The following TRAPPC9 variants were observed in gnomAD, a reference collection of about 807,000 sequenced individuals.
TRAPPC9 encodes the protein trafficking protein particle complex subunit 9.
Under a neutral mutation model 124.0 loss-of-function variants are expected in TRAPPC9, and 83 were observed. The observed-to-expected ratio is 0.67, with a 90% CI of 0.56 to 0.80. TRAPPC9 has a LOEUF of 0.80. TRAPPC9 is among the 30% of genes least tolerant of loss of function. The probability of loss-of-function intolerance (pLI) is 0.00; values close to 1 mark genes in which losing one functional copy is unlikely to be tolerated. For missense variants in TRAPPC9, 1,302 were observed against 1,508.3 expected, an observed-to-expected ratio of 0.86 and a Z score of 2.27; for synonymous variants, 638 against 617.5, an observed-to-expected ratio of 1.03 and a Z score of -0.49.
intron 20 of TRAPPC9, among the ~76,000 whole-genome samples, chr8:139,899,929 A>G (rs1205323043): frequency 6.6e-6 from 1 of 152,146 alleles, no homozygotes; most frequent in Non-Finnish European, 1.5e-5. Flanking sequence ...CTAATTTCCA[A>G]AGGCAGGGAG....
At chr8:140,183,246 G>T (rs1012516012) in intron 17 of TRAPPC9, among the ~76,000 whole-genome samples, 1 of 152,176 alleles carries the variant, frequency 6.6e-6, no homozygotes, top group African/African-American at 2.4e-5. Context: ...GTGTAGCTGG[G>T]GATGGGGATG....
intron 21 of TRAPPC9, among the ~76,000 whole-genome samples, chr8:139,751,034 G>A (rs1819276440): frequency 6.6e-6 from 1 of 152,210 alleles, no homozygotes; most frequent in Admixed American, 6.5e-5. Context: ...TTCCTCATGG[G>A]CTGTGCCAGG....
chr8:139,781,753 T>C (rs1175134326), intron 21 of TRAPPC9, among the ~76,000 whole-genome samples: 5 of 151,656 alleles, frequency 3.3e-5, no homozygotes, highest in Non-Finnish European at 5.9e-5. Context: ...GAGGGAGGGG[T>C]ATATGGGAAC....
At chr8:140,229,078 C>A (rs2131362720) in intron 16 of TRAPPC9, among the ~76,000 whole-genome samples, 1 of 151,942 alleles carries the variant, frequency 6.6e-6, no homozygotes, top group South Asian at 2.1e-4. Context: ...ACTAAGAGAA[C>A]CTACCACCAA....
At chr8:140,036,750 C>T (rs1587554154) in intron 17 of TRAPPC9, among the ~76,000 whole-genome samples, 1 of 152,194 alleles carries the variant, frequency 6.6e-6, no homozygotes, top group South Asian at 2.1e-4. Context: ...CAGGAGCCAG[C>T]GGAGCGACCC....
intron 19 of TRAPPC9, among the ~76,000 whole-genome samples, chr8:139,972,603 A>C (rs777267456): frequency 3.9e-5 from 6 of 152,098 alleles, no homozygotes; most frequent in Non-Finnish European, 7.3e-5. Flanking sequence ...CTCACACAAG[A>C]CACGACCTGG....
At chr8:139,981,984 C>T (rs1454849459) in intron 19 of TRAPPC9, among the ~76,000 whole-genome samples, 1 of 152,168 alleles carries the variant, frequency 6.6e-6, no homozygotes, top group Non-Finnish European at 1.5e-5. Context: ...GGGGACAGAG[C>T]CGGGCATCTT....
chr8:139,848,670 C>T (rs1366164614), intron 21 of TRAPPC9, among the ~76,000 whole-genome samples: 1 of 152,084 alleles, frequency 6.6e-6, no homozygotes, highest in Non-Finnish European at 1.5e-5. Flanking sequence ...ATATATCTCC[C>T]AGCTCCCGAA....
At chr8:139,758,479 A>T (rs1268431955) in intron 21 of TRAPPC9, among the ~76,000 whole-genome samples, 1 of 152,224 alleles carries the variant, frequency 6.6e-6, no homozygotes, top group East Asian at 1.9e-4. Flanking sequence ...AGGTGAGGCC[A>T]ATGCAGAAAT....
rs11292333 is a variant in TRAPPC9 at position 140,125,587 on chromosome 8, C to CTTTTTTTTTTTTT, written c.2556+95859_2556+95871dup. On this transcript the variant is annotated intron_variant, in intron 17 of 22. Coordinates refer to ENST00000438773, the MANE Select transcript of TRAPPC9 (RefSeq NM_001160372.4). ...GCATGTTCATTTATCGAATCTCATT[C>CTTTTTTTTTTTTT]TTTTTTTTTTTTTTTTTTTTTTTTT... Among the ~76,000 whole-genome samples, 96 of 67,822 alleles carry CTTTTTTTTTTTTT rather than the reference C, an allele frequency of 1.4e-3. 6 individuals are homozygous for CTTTTTTTTTTTTT. The highest frequency in any genetic ancestry group is 2.8e-3 in the African/African-American group (45 of 16,280). The allele number at this position is 67,822 out of a possible 152,430, so 44.5% of individuals were successfully genotyped here. A position where few individuals can be genotyped will look rare whatever the true frequency, so the allele number is the denominator to read the frequency against.
intron 21 of TRAPPC9, among the ~76,000 whole-genome samples, chr8:139,757,397 A>G (rs1310776600): frequency 3.5e-5 from 5 of 144,860 alleles, no homozygotes; most frequent in African/African-American, 1.3e-4. Flanking sequence ...TCGCAGGAGG[A>G]GCCAGGGTTT....
chr8:140,018,735 A>G (rs116862606), intron 18 of TRAPPC9, among the ~76,000 whole-genome samples: 119 of 152,296 alleles, frequency 7.8e-4, no homozygotes, highest in Middle Eastern at 3.4e-3. Context: ...ATTTATGTAC[A>G]TAATCATATG....
intron 17 of TRAPPC9, among the ~76,000 whole-genome samples, chr8:140,195,734 A>C (rs1271009043): frequency 6.6e-6 from 1 of 152,036 alleles, no homozygotes; most frequent in East Asian, 1.9e-4. Context: ...TGTGACACTA[A>C]AACACTCAGC....
At chr8:140,054,782 T>C (rs534472075) in intron 17 of TRAPPC9, among the ~76,000 whole-genome samples, 1 of 151,686 alleles carries the variant, frequency 6.6e-6, no homozygotes, top group Non-Finnish European at 1.5e-5. Context: ...CAACAACAAA[T>C]TGAATAACCT....
Position 140,101,532 on chromosome 8 carries a change from C to CTTTTTTTT in TRAPPC9, c.2557-77461_2557-77454dup, listed in dbSNP as rs1234280796. Among the ~76,000 whole-genome samples the CTTTTTTTT allele has an allele frequency of 8.5e-4, 67 of 78,718 alleles. 10 individuals carry two copies. The highest frequency in any genetic ancestry group is 1.4e-3 in the African/African-American group (22 of 15,558). The allele number at this position is 78,718 out of a possible 152,430, so 51.6% of individuals were successfully genotyped here. On this transcript the variant is annotated intron_variant, in intron 17 of 22. Coordinates refer to ENST00000438773, the MANE Select transcript of TRAPPC9 (RefSeq NM_001160372.4). ...ACTTGGGTTGGTTTTGTAGGGTTTTCTTTTTTTTGTTTTTTTTTTTTTTTT... is the reference window on the plus strand; with the variant it reads ...ACTTGGGTTGGTTTTGTAGGGTTTTCTTTTTTTTTTTTTTTTGTTTTTTTTTTTTTTTT...
intron 2 of TRAPPC9, among the ~76,000 whole-genome samples, chr8:140,440,972 C>CTT (rs60379205): frequency 0.36 from 28,541 of 79,816 alleles, 4,283 homozygotes; most frequent in South Asian, 0.43. Flanking sequence ...AACACTGTTA[C>CTT]TTTTTTTTTT....
intron 21 of TRAPPC9, among the ~76,000 whole-genome samples, chr8:139,802,559 G>A (rs559657276): frequency 6.6e-6 from 1 of 152,288 alleles, no homozygotes; most frequent in East Asian, 1.9e-4. Flanking sequence ...CTACTAAACC[G>A]TTCACAGGAT....
chr8:140,088,240 T>C lies in TRAPPC9; in HGVS notation c.2557-64161A>G, dbSNP rs1387109777. On this transcript the variant is annotated intron_variant, in intron 17 of 22. Transcript: ENST00000438773. Reference sequence around the variant, plus strand: ...TGATGGCAGGACTTTAAATGTCTTGTTCACAATTGTATTTCCAGTGTCCCA... The same window carrying C: ...TGATGGCAGGACTTTAAATGTCTTGCTCACAATTGTATTTCCAGTGTCCCA... Among the ~76,000 whole-genome samples the C allele has an allele frequency of 5.9e-5, 9 of 152,192 alleles. 1 individual carries two copies. The highest frequency in any genetic ancestry group is 2.2e-4 in the African/African-American group (9 of 41,442).
At chr8:140,275,243 C>T (rs919597855) in intron 15 of TRAPPC9, among the ~76,000 whole-genome samples, 3 of 152,168 alleles carry the variant, frequency 2.0e-5, no homozygotes, top group Admixed American at 6.5e-5. Context: ...GCACAGGTCC[C>T]CTGACCCCAA....
Sources: allele counts gnomAD v4.1 joint callset (sites outside exome capture counted in the v4.1 genomes callset), GRCh38; gene constraint gnomAD v4.1.1; transcripts MANE v1.5; gene names NCBI Gene and HGNC (gene_info 2026-07-23, HGNC 2026-07-21).